Variants in BAZ2B observed in about 807,000 individuals in gnomAD.
The protein encoded by BAZ2B is bromodomain adjacent to zinc finger domain protein 2B.
In BAZ2B, 91 loss-of-function variants were observed where a neutral mutation model predicts 246.0. The observed-to-expected ratio is 0.37, with a 90% CI of 0.31 to 0.44. BAZ2B has a LOEUF of 0.44. Among genes scored for constraint, BAZ2B ranks in the 20% least tolerant of loss-of-function variants. The probability of loss-of-function intolerance (pLI) is 1.00; values close to 1 mark genes in which losing one functional copy is unlikely to be tolerated. For missense variants in BAZ2B, 2,332 were observed against 2,533.7 expected (o/e 0.92, Z 1.71); for synonymous variants, 855 against 860.0 (o/e 0.99, Z 0.10).
intron 2 of BAZ2B, among the ~76,000 whole-genome samples, chr2:159,518,150 T>C (rs1559674661): frequency 6.6e-6 from 1 of 152,214 alleles, no homozygotes; most frequent in Admixed American, 6.5e-5. Flanking sequence ...CTTAGTTTCC[T>C]ATAATGTGTC....
chr2:159,623,065 GGAAGA>G, the BAZ2B span, among the ~76,000 whole-genome samples: 1 of 147,352 alleles, frequency 6.8e-6, no homozygotes, highest in Non-Finnish European at 1.5e-5. Flanking sequence ...AAGAGGGAAG[GGAAGA>G]GAAGGGAAGG....
chr2:159,540,610 C>A (rs1406052173), intron 2 of BAZ2B, among the ~76,000 whole-genome samples: 2 of 152,100 alleles, frequency 1.3e-5, no homozygotes. Context: ...AGTTTTATAT[C>A]CTTTGAGAGT....
intron 31 of BAZ2B, among the ~76,000 whole-genome samples, chr2:159,340,389 T>TC (rs1358532868): frequency 6.6e-6 from 1 of 152,154 alleles, no homozygotes; most frequent in Admixed American, 6.5e-5. Flanking sequence ...TAGAAAACTT[T>TC]CCACATCCTG....
intron 2 of BAZ2B, among the ~76,000 whole-genome samples, chr2:159,486,392 C>G (rs887289890): frequency 6.6e-6 from 1 of 151,860 alleles, no homozygotes; most frequent in African/African-American, 2.4e-5. Context: ...TCATATTACT[C>G]TATATAAAAT....
the BAZ2B span, chr2:159,693,633 G>C: frequency 6.6e-6 from 1 of 151,646 alleles, no homozygotes; most frequent in Admixed American, 6.6e-5. Context: ...ATGTTGTCCA[G>C]GCTGGTCTTA....
chr2:159,412,424 C>G lies in BAZ2B; in HGVS notation c.2588G>C (p.Arg863Thr). 6.2e-7 allele frequency: 1 copy of G among 1,614,168 alleles called. No individual in the cohort carries two copies. The highest frequency in any genetic ancestry group is 8.5e-7 in the Non-Finnish European group (1 of 1,180,018). ...ATTTGGAGGTCGACCTTTCCGACGT[C>G]TCATCCTGGATTCCTCTCTTGCTCG... ...RQRAREESRM[R>T]RRKGRPPNVG... is the part of the protein sequence containing the mutation. Residue 863 changes from arginine to threonine, a missense_variant, in exon 14 of 37, where the codon AGA becomes ACA. Arg to Thr is a moderately conservative substitution (Grantham distance 71, BLOSUM62 -1). Coordinates refer to ENST00000392783, the MANE Select transcript of BAZ2B (RefSeq NM_013450.4).
the BAZ2B span, among the ~76,000 whole-genome samples, chr2:159,686,033 A>G: frequency 6.6e-6 from 1 of 152,214 alleles, no homozygotes; most frequent in Non-Finnish European, 1.5e-5. Flanking sequence ...AGGCTGAGGC[A>G]GGAGGATCGC....
chr2:159,405,219 C>CT (rs1491392621), intron 14 of BAZ2B, 105 bp from the exon 15 acceptor site: 11 of 46,736 alleles, frequency 2.4e-4, no homozygotes, highest in African/African-American at 2.2e-3. Flanking sequence ...ATAATTATTA[C>CT]TTTTTTTTTT....
chr2:159,428,605 AAATT>A (rs1196476397), intron 11 of BAZ2B, among the ~76,000 whole-genome samples, 186 bp from the exon 12 acceptor site: 8 of 152,152 alleles, frequency 5.3e-5, no homozygotes, highest in African/African-American at 1.4e-4. Context: ...TTCAACTAGA[AAATT>A]AATTATTCAA....
At chr2:159,519,236 T>TTTTTTTTTTTA (rs1553692833) in intron 2 of BAZ2B, among the ~76,000 whole-genome samples, 6 of 70,612 alleles carry the variant, frequency 8.5e-5, no homozygotes, top group Admixed American at 1.4e-4. Flanking sequence ...TTTTTTTTTT[T>TTTTTTTTTTTA]TTTTGAGACG....
chr2:159,447,054 G>T, intron 5 of BAZ2B, 79 bp from the exon 6 acceptor site: 3 of 992,410 alleles, frequency 3.0e-6, no homozygotes, highest in Non-Finnish European at 4.2e-6. Flanking sequence ...TATATGTACA[G>T]TTGGATGAAC....
intron 2 of BAZ2B, among the ~76,000 whole-genome samples, chr2:159,491,720 C>CAAAAAAAAAAAAAAAAAAAAAAAAA (rs773067675): frequency 3.4e-5 from 1 of 29,558 alleles, no homozygotes; most frequent in Non-Finnish European, 5.1e-5. Context: ...GACTCCGTCT[C>CAAAAAAAAAAAAAAAAAAAAAAAAA]AAAAAAAAAA....
intron 27 of BAZ2B, among the ~76,000 whole-genome samples, chr2:159,364,754 A>G (rs573410002): frequency 1.3e-5 from 2 of 152,286 alleles, no homozygotes; most frequent in Admixed American, 6.5e-5. Context: ...CTGTACTTAC[A>G]AGGTCGGCAG....
chr2:159,347,628 T>C lies in BAZ2B; in HGVS notation c.5312A>G (p.Asn1771Ser). The C allele has an allele frequency of 1.2e-6, 2 of 1,609,988 alleles. No individual in the cohort carries two copies. Residue 1771 changes from asparagine (N) to serine (S), a missense_variant, in exon 31 of 37, where the codon AAT (asparagine) becomes AGT (serine). Around this residue, in one of 9 missense-constraint regions of BAZ2B, gnomAD observed 676 missense variants for 668.6 expected, o/e 1.01. Transcript: ENST00000392783. Reference sequence around the variant, plus strand: ...AGTTACTTGGTTTTCTTCATTTTCATTCAGTTCAATAATAGCAACTACATT... The same window carrying C: ...AGTTACTTGGTTTTCTTCATTTTCACTCAGTTCAATAATAGCAACTACATT... Reference protein sequence around the residue: ...KNKDVAIIELNENEENQVTRD... With the variant: ...KNKDVAIIELSENEENQVTRD...
Position 159,555,677 on chromosome 2 carries a change from A to G in BAZ2B, c.-3+146T>C, listed in dbSNP as rs192481026. On this transcript the variant is annotated intron_variant, in intron 2 of 36. Transcript: ENST00000392783. The stretch of plus-strand genomic sequence containing the variant: ...AGTATTTAAATAACTAGCTAGAAGT[A>G]TAAGATATGATTCATTTAAAATGTT... The G allele has an allele frequency of 5.3e-5, 7 of 132,812 alleles. No homozygotes were observed. In the East Asian group the frequency reaches 7.7e-4, roughly 15 times the overall value. The allele number at this position is 132,812 out of a possible 1,614,324, so 8.2% of individuals were successfully genotyped here. A position where few individuals can be genotyped will look rare whatever the true frequency, so the allele number is the denominator to read the frequency against.
intron 2 of BAZ2B, among the ~76,000 whole-genome samples, chr2:159,484,259 A>G (rs1005529457): frequency 2.6e-5 from 4 of 152,340 alleles, no homozygotes; most frequent in Middle Eastern, 6.8e-3. Flanking sequence ...TAAAACTTTA[A>G]TAGTAATTCT....
chr2:159,436,854 T>A (rs2072439038), intron 8 of BAZ2B, among the ~76,000 whole-genome samples: 1 of 152,212 alleles, frequency 6.6e-6, no homozygotes, highest in African/African-American at 2.4e-5. Context: ...TGGATTTAAG[T>A]GACATTTTCT....
chr2:159,489,831 T>C (rs74316936), intron 2 of BAZ2B, among the ~76,000 whole-genome samples: 2,843 of 152,206 alleles, frequency 0.019, 94 homozygotes, highest in African/African-American at 0.064. Context: ...GAGGACTGCT[T>C]AAGCCCAGGA....
At chr2:159,707,874 C>T in the BAZ2B span, among the ~76,000 whole-genome samples, 3 of 151,902 alleles carry the variant, frequency 2.0e-5, no homozygotes, top group South Asian at 2.1e-4. Flanking sequence ...ACCTGTAATC[C>T]GAGCTACTCG....
Sources: gnomAD v4.1 joint callset for allele counts (sites outside exome capture counted in the v4.1 genomes callset) on GRCh38, gnomAD v4.1.1 for gene constraint, gnomAD v4.1.1 regional missense constraint, MANE v1.5 for transcripts, NCBI Gene and HGNC (gene_info 2026-07-23, HGNC 2026-07-21) for gene names.